The following DOCK10 variants were observed in gnomAD, a reference collection of about 807,000 sequenced individuals.
The protein encoded by DOCK10 is dedicator of cytokinesis 10.
DOCK10 carries 145 observed loss-of-function variants against 280.1 expected under a neutral mutation model. That is an observed-to-expected ratio of 0.52 (90% CI 0.45 to 0.59). The LOEUF is 0.59. Among genes scored for constraint, DOCK10 ranks in the 20% least tolerant of loss-of-function variants. The pLI is 0.00. For missense variants in DOCK10, 2,368 were observed against 2,651.7 expected (o/e 0.89, Z 2.35); for synonymous variants, 915 against 942.2 (o/e 0.97, Z 0.53).
At chr2:224,971,108 C>G (rs1348683675) in intron 1 of DOCK10, among the ~76,000 whole-genome samples, 1 of 152,130 alleles carries the variant, frequency 6.6e-6, no homozygotes, top group Admixed American at 6.5e-5. Context: ...CAGCTGGATT[C>G]TATAATATCA....
chr2:224,940,183 A>C (rs1476845638), intron 1 of DOCK10, among the ~76,000 whole-genome samples: 2 of 152,040 alleles, frequency 1.3e-5, no homozygotes, highest in African/African-American at 4.8e-5. Context: ...CTGGGGCTAC[A>C]CTCCCACAAG....
intron 1 of DOCK10, among the ~76,000 whole-genome samples, chr2:224,965,749 T>C (rs1704698727): frequency 6.6e-6 from 1 of 152,186 alleles, no homozygotes; most frequent in Non-Finnish European, 1.5e-5. Flanking sequence ...TAGCATAAAA[T>C]ACTGGTTAAG....
intron 16 of DOCK10, among the ~76,000 whole-genome samples, chr2:224,854,508 A>G (rs1197603535): frequency 6.6e-6 from 1 of 152,186 alleles, no homozygotes; most frequent in African/African-American, 2.4e-5. Context: ...GCAGCACAAT[A>G]TGGCAGAACT....
intron 4 of DOCK10, among the ~76,000 whole-genome samples, chr2:224,886,886 A>ACCCCCCCCCCCC (rs879598680): frequency 3.0e-5 from 4 of 135,254 alleles, no homozygotes; most frequent in African/African-American, 1.2e-4. Flanking sequence ...AGCACCCCCA[A>ACCCCCCCCCCCC]CACCCCCCCA....
rs192637336 is a variant in DOCK10, at chr2:224,783,338, G to A, written c.5655+3684C>T. On this transcript the variant is annotated intron_variant, in intron 50 of 55. Transcript: ENST00000258390. ...CTCCCAGGCTGGAGTGCAGTGGCAC[G>A]ATCTTGGCTCACTGCAAGCTCCACC... Among the ~76,000 whole-genome samples the A allele has an allele frequency of 7.4e-3, 1,111 of 150,464 alleles. 17 individuals are homozygous for A. Among genetic ancestry groups the A allele is most frequent in the African/African-American group, 0.025 (1,034 of 40,862 alleles).
chr2:224,997,058 C>T (rs1264837034), intron 1 of DOCK10, among the ~76,000 whole-genome samples: 1 of 152,144 alleles, frequency 6.6e-6, no homozygotes, highest in South Asian at 2.1e-4. Context: ...TTTGTTTGCC[C>T]TACATTTGGC....
chr2:224,809,855 G>A (rs1484966961), intron 31 of DOCK10, among the ~76,000 whole-genome samples: 2 of 152,002 alleles, frequency 1.3e-5, no homozygotes, highest in Non-Finnish European at 2.9e-5. Context: ...ACATCCAAAA[G>A]AATTCAGATC....
intron 55 of DOCK10, among the ~76,000 whole-genome samples, chr2:224,768,106 G>A (rs1574777413): frequency 6.6e-6 from 1 of 151,070 alleles, no homozygotes. Flanking sequence ...TAGTAGTGAC[G>A]GGGTTTCACC....
intron 31 of DOCK10, among the ~76,000 whole-genome samples, chr2:224,813,618 G>A (rs1693930536): frequency 6.6e-6 from 1 of 152,182 alleles, no homozygotes; most frequent in African/African-American, 2.4e-5. Context: ...TGATCTGCAG[G>A]ACAACCCGTA....
chr2:225,033,713 A>G (rs1559983669), intron 1 of DOCK10, among the ~76,000 whole-genome samples: 1 of 152,204 alleles, frequency 6.6e-6, no homozygotes. Context: ...GAAGCAAACA[A>G]GTCTCACTTC....
chr2:224,896,831 A>G (rs1212532858), intron 3 of DOCK10, among the ~76,000 whole-genome samples: 2 of 152,242 alleles, frequency 1.3e-5, no homozygotes, highest in Non-Finnish European at 2.9e-5. Context: ...TTAAAGGTAG[A>G]TAAGGAGCTT....
intron 1 of DOCK10, among the ~76,000 whole-genome samples, chr2:224,964,536 G>A (rs1009184911): frequency 6.7e-6 from 1 of 150,196 alleles, no homozygotes; most frequent in Non-Finnish European, 1.5e-5. Flanking sequence ...ACACGGTCTC[G>A]CCCCATCACC....
intron 1 of DOCK10, among the ~76,000 whole-genome samples, chr2:225,024,661 G>GCTGGAGTTTGA (rs1689870112): frequency 6.6e-6 from 1 of 151,990 alleles, no homozygotes; most frequent in South Asian, 2.1e-4. Flanking sequence ...AGGCCGAGGT[G>GCTGGAGTTTGA]GGCGGATGCC....
chr2:224,997,232 T>C (rs1706300050), intron 1 of DOCK10, among the ~76,000 whole-genome samples: 1 of 135,410 alleles, frequency 7.4e-6, no homozygotes, highest in African/African-American at 2.7e-5. Flanking sequence ...CCTTCCTTCC[T>C]TCCTTCCTTC....
intron 1 of DOCK10, among the ~76,000 whole-genome samples, chr2:225,024,270 T>C (rs946550069): frequency 6.6e-6 from 1 of 152,246 alleles, no homozygotes; most frequent in Non-Finnish European, 1.5e-5. Flanking sequence ...GTAACATTTA[T>C]GGATTACATA....
intron 46 of DOCK10, 117 bp downstream of exon 46, chr2:224,793,283 A>C (rs1488153304): frequency 1.1e-6 from 1 of 880,254 alleles, no homozygotes; most frequent in African/African-American, 1.7e-5. Context: ...GTATCTGTGA[A>C]AGCGATTATT....
At chr2:225,038,307 TCTTGAATGCCAC>T (rs1559990524) in intron 1 of DOCK10, among the ~76,000 whole-genome samples, 3 of 151,944 alleles carry the variant, frequency 2.0e-5, no homozygotes, top group Non-Finnish European at 2.9e-5. Flanking sequence ...TACTCTCAAC[TCTTGAATGCCAC>T]CAAGTTCAGA....
chr2:224,796,209 G>A (rs1692564276), intron 44 of DOCK10, 107 bp downstream of exon 44: 6 of 746,746 alleles, frequency 8.0e-6, no homozygotes, highest in South Asian at 5.2e-5. Flanking sequence ...GAATACAGGC[G>A]TGAACCACTG....
At chr2:224,942,708 T>A (rs182196316) in intron 1 of DOCK10, among the ~76,000 whole-genome samples, 2 of 151,100 alleles carry the variant, frequency 1.3e-5, no homozygotes, top group Non-Finnish European at 2.9e-5. Context: ...ATTAGAGATA[T>A]GTTAAAGCTA....
Sources: allele counts gnomAD v4.1 joint callset (sites outside exome capture counted in the v4.1 genomes callset), GRCh38; gene constraint gnomAD v4.1.1; transcripts MANE v1.5; gene names NCBI Gene and HGNC (gene_info 2026-07-23, HGNC 2026-07-21).